The following ADGRL3 variants were observed in gnomAD, a reference collection of about 807,000 sequenced individuals.
ADGRL3 encodes calcium-independent alpha-latrotoxin receptor 3.
In ADGRL3, 62 loss-of-function variants were observed where a neutral mutation model predicts 153.5. That is an observed-to-expected ratio of 0.40 (90% CI 0.33 to 0.50). ADGRL3 has a LOEUF of 0.50. Among genes scored for constraint, ADGRL3 ranks in the 20% least tolerant of loss-of-function variants. The pLI, the probability that ADGRL3 is intolerant of heterozygous loss-of-function variation, is 0.47. For missense variants in ADGRL3, 1,641 were observed against 1,859.4 expected (o/e 0.88, Z 2.16); for synonymous variants, 710 against 672.5 (o/e 1.06, Z -0.86).
intron 6 of ADGRL3, among the ~76,000 whole-genome samples, chr4:61,718,122 T>G (rs1311778786): frequency 6.6e-6 from 1 of 152,172 alleles, no homozygotes; most frequent in African/African-American, 2.4e-5. Context: ...ATTTGTTTTT[T>G]GGGTTTTGGT....
At chr4:61,712,134 G>GTTTA (rs1245032464) in intron 6 of ADGRL3, among the ~76,000 whole-genome samples, 1 of 151,916 alleles carries the variant, frequency 6.6e-6, no homozygotes, top group Non-Finnish European at 1.5e-5. Context: ...TGGCTCATGA[G>GTTTA]TATAATCCTA....
chr4:62,020,788 A>G (rs1056052531), intron 21 of ADGRL3, among the ~76,000 whole-genome samples: 1 of 152,154 alleles, frequency 6.6e-6, no homozygotes, highest in African/African-American at 2.4e-5. Context: ...CATTGCCGTC[A>G]TATAGTGGAC....
chr4:61,625,399 G>T (rs951557571), intron 5 of ADGRL3, among the ~76,000 whole-genome samples: 2 of 151,876 alleles, frequency 1.3e-5, no homozygotes, highest in Non-Finnish European at 2.9e-5. Flanking sequence ...TTTTTTACTT[G>T]CTTTAGATAA....
At chr4:61,417,819 G>A (rs182358255) in intron 2 of ADGRL3, among the ~76,000 whole-genome samples, 10 of 152,166 alleles carry the variant, frequency 6.6e-5, no homozygotes, top group African/African-American at 2.2e-4. Flanking sequence ...GATAGTTTTG[G>A]GGGTTAACCT....
At chr4:61,980,866 C>A (rs1302670068) in intron 18 of ADGRL3, among the ~76,000 whole-genome samples, 1 of 152,104 alleles carries the variant, frequency 6.6e-6, no homozygotes, top group African/African-American at 2.4e-5. Context: ...ATCTACTCAC[C>A]TACTGAAGGA....
intron 8 of ADGRL3, among the ~76,000 whole-genome samples, chr4:61,747,945 A>G (rs2096691804): frequency 1.3e-5 from 2 of 152,068 alleles, no homozygotes; most frequent in South Asian, 2.1e-4. Context: ...ACATGATTGT[A>G]TATATAGGAA....
At chr4:61,495,152 G>A (rs927681827) in intron 2 of ADGRL3, among the ~76,000 whole-genome samples, 2 of 152,058 alleles carry the variant, frequency 1.3e-5, no homozygotes, top group Non-Finnish European at 2.9e-5. Flanking sequence ...CTTGCCCAAC[G>A]TAGTAGAACA....
At chr4:61,947,232 A>C in intron 16 of ADGRL3, 110 bp downstream of exon 16, 1 of 865,530 alleles carries the variant, frequency 1.2e-6, no homozygotes, top group Non-Finnish European at 1.8e-6. Context: ...GACATATAAC[A>C]GTTCATTATC....
intron 1 of ADGRL3, among the ~76,000 whole-genome samples, chr4:61,216,986 C>G (rs1174310179): frequency 6.6e-6 from 1 of 152,108 alleles, no homozygotes; most frequent in Non-Finnish European, 1.5e-5. Context: ...CTAAGTGGGT[C>G]TTTAAATTGT....
chr4:61,463,379 A>G (rs1274436520), intron 2 of ADGRL3, among the ~76,000 whole-genome samples: 1 of 152,156 alleles, frequency 6.6e-6, no homozygotes, highest in Admixed American at 6.5e-5. Context: ...AGGGGAAGCA[A>G]GCACATCTTC....
At chr4:61,299,638 T>C (rs1317153941) in intron 1 of ADGRL3, among the ~76,000 whole-genome samples, 2 of 152,200 alleles carry the variant, frequency 1.3e-5, no homozygotes, top group African/African-American at 4.8e-5. Context: ...TATATTAATT[T>C]AAATTCAGTT....
intron 5 of ADGRL3, among the ~76,000 whole-genome samples, chr4:61,623,872 AG>A (rs1387415831): frequency 1.3e-5 from 2 of 152,120 alleles, no homozygotes; most frequent in African/African-American, 4.8e-5. Context: ...AACCCCTAAA[AG>A]GAACATGAAC....
intron 8 of ADGRL3, among the ~76,000 whole-genome samples, chr4:61,778,409 C>T (rs951449543): frequency 3.3e-5 from 5 of 152,142 alleles, no homozygotes; most frequent in East Asian, 1.9e-4. Flanking sequence ...TTTGTAAGGA[C>T]AAACGTGGAA....
intron 2 of ADGRL3, among the ~76,000 whole-genome samples, chr4:61,492,150 T>C (rs2098265738): frequency 6.6e-6 from 1 of 152,182 alleles, no homozygotes; most frequent in Admixed American, 6.5e-5. Context: ...TTTTTTATAT[T>C]TCGTATGTGC....
chr4:61,798,065 A>G (rs2097436630), intron 8 of ADGRL3, among the ~76,000 whole-genome samples: 1 of 152,018 alleles, frequency 6.6e-6, no homozygotes, highest in Non-Finnish European at 1.5e-5. Flanking sequence ...CTTGATCTTT[A>G]TTTTTCAATT....
intron 24 of ADGRL3, among the ~76,000 whole-genome samples, chr4:62,038,222 TATA>T (rs1726170176): frequency 6.6e-6 from 1 of 152,164 alleles, no homozygotes; most frequent in Non-Finnish European, 1.5e-5. Flanking sequence ...TTCTAACTAG[TATA>T]ATAATTATCA....
intron 15 of ADGRL3, among the ~76,000 whole-genome samples, chr4:61,937,219 A>T (rs1013085921): frequency 6.6e-6 from 1 of 152,008 alleles, no homozygotes; most frequent in Admixed American, 6.6e-5. Context: ...ACCTCCAATT[A>T]CACTTAGAAT....
chr4:61,859,082 G>A (rs911292917), intron 9 of ADGRL3, among the ~76,000 whole-genome samples: 8 of 152,120 alleles, frequency 5.3e-5, no homozygotes, highest in Non-Finnish European at 8.8e-5. Context: ...AAATATATGT[G>A]TATATACTAT....
intron 15 of ADGRL3, among the ~76,000 whole-genome samples, chr4:61,938,005 A>C (rs945781883): frequency 1.8e-4 from 28 of 152,162 alleles, no homozygotes; most frequent in African/African-American, 6.7e-4. Flanking sequence ...GATCCTCCCA[A>C]CTCAGCCTCC....
Sources: allele counts gnomAD v4.1 joint callset (sites outside exome capture counted in the v4.1 genomes callset), GRCh38; gene constraint gnomAD v4.1.1; transcripts MANE v1.5; gene names NCBI Gene and HGNC (gene_info 2026-07-23, HGNC 2026-07-21).